SNED1: variants seen among roughly 807,000 people sequenced by gnomAD.
SNED1 encodes sushi, nidogen and EGF-like domain-containing protein 1.
SNED1 carries 81 observed loss-of-function variants against 166.7 expected under a neutral mutation model. The ratio of observed to expected loss-of-function variants is 0.49; its 90% CI spans 0.41 to 0.58. SNED1 has a LOEUF of 0.58. Ranked by LOEUF, SNED1 falls within the 20% of genes least tolerant of loss-of-function variation. The probability of loss-of-function intolerance (pLI) is 0.00; values close to 1 mark genes in which losing one functional copy is unlikely to be tolerated. For synonymous variants in SNED1, 762 were observed against 822.0 expected (o/e 0.93, Z 1.25); for missense variants, 1,604 against 2,000.2 (o/e 0.80, Z 3.78).
chr2:241,030,705 C>A (rs1455794756), intron 2 of SNED1, 134 bp downstream of exon 2: 2 of 960,330 alleles, frequency 2.1e-6, no homozygotes, highest in Non-Finnish European at 3.1e-6. Context: ...AACACGTGGT[C>A]AAAACCACAG....
rs1181915585 is a variant in SNED1 at position 241,071,689 on chromosome 2, A to T, written c.3703A>T (p.Ser1235Cys). The change falls in exon 25 of 32, where the codon AGC becomes TGC. Residue 1235 changes from serine to cysteine, a missense_variant. Ser to Cys is a moderately radical substitution (Grantham distance 112). Coordinates refer to ENST00000310397, the MANE Select transcript of SNED1 (RefSeq NM_001080437.3). The stretch of plus-strand genomic sequence containing the variant: ...GGAGCTGCGCCTGCTCAATGACCAC[A>T]GCGCCCCCGAGACCCCCACCCAGCC... ...LPELRLLNDHSAPETPTQPPR... is the reference protein window; with the variant it reads ...LPELRLLNDHCAPETPTQPPR... 1 of 1,529,806 alleles carries T rather than the reference A, an allele frequency of 6.5e-7. No individual in the cohort carries two copies. The highest frequency in any genetic ancestry group is 8.8e-7 in the Non-Finnish European group (1 of 1,140,424). 94.8% of individuals were successfully genotyped at this position (1,529,806 alleles called of 1,614,324 possible).
chr2:241,056,644 G>C, intron 16 of SNED1, among the ~76,000 whole-genome samples: 1 of 140,262 alleles, frequency 7.1e-6, no homozygotes, highest in Non-Finnish European at 1.5e-5. Flanking sequence ...GCAGTGGCAC[G>C]ATCTCGGCTC....
At chr2:241,017,335 T>C (rs943383766) in intron 1 of SNED1, among the ~76,000 whole-genome samples, 2 of 152,236 alleles carry the variant, frequency 1.3e-5, no homozygotes, top group Non-Finnish European at 2.9e-5. Context: ...TGTTGCTGTC[T>C]AAGTCCTGCC....
At position 241,067,848 on chromosome 2, in the gene SNED1, A is replaced by G; in HGVS notation, c.3095A>G (p.His1032Arg). Residue 1032 changes from histidine to arginine, a missense_variant, in exon 22 of 32, where the codon CAT (histidine) becomes CGT (arginine). His to Arg is a conservative substitution (Grantham distance 29, BLOSUM62 0). Around this residue, in one of 2 missense-constraint regions of SNED1, gnomAD observed 1,237 missense variants for 1,620.8 expected, o/e 0.76. Coordinates refer to ENST00000310397, the MANE Select transcript of SNED1 (RefSeq NM_001080437.3). The part of the protein sequence containing the change: ...SVQWALHRIR[H>R]ATVSGVRVSI... ...CAGTGGGCCCTGCACAGGATCCGCC[A>G]TGCCACCGTCAGTGGGGTCCGTGTG... 6.2e-7 allele frequency: 1 copy of G among 1,613,430 alleles called. No individual in the cohort carries two copies. Among genetic ancestry groups the G allele is most frequent in the Non-Finnish European group, 8.5e-7 (1 of 1,179,834 alleles).
chr2:241,037,382 G>A, intron 6 of SNED1, 29 bp downstream of exon 6: 1 of 1,463,696 alleles, frequency 6.8e-7, no homozygotes, highest in Non-Finnish European at 9.4e-7. Context: ...GGCCCACGGG[G>A]CCCTGCTGGG....
chr2:241,024,449 A>G (rs991863820), intron 1 of SNED1, among the ~76,000 whole-genome samples: 5 of 150,240 alleles, frequency 3.3e-5, no homozygotes, highest in South Asian at 4.2e-4. Flanking sequence ...GGGTTTCACT[A>G]TGTTGGCCAG....
chr2:241,095,097 G>A lies in SNED1; in HGVS notation c.*3461G>A, dbSNP rs577552461. On this transcript the variant is annotated 3_prime_UTR_variant, in exon 32 of 32. Transcript: ENST00000310397. The stretch of plus-strand genomic sequence containing the variant: ...CCCCACACCCACCTTGGGGGGTCAC[G>A]GATTGCTCCCTGTGGCCCTGGCTTC... 2.8e-5 allele frequency: 4 copies of A among 141,668 alleles called. No individual in the cohort carries two copies. The highest frequency in any genetic ancestry group is 7.3e-5 in the Admixed American group (1 of 13,736). The allele number at this position is 141,668 out of a possible 1,614,324, so 8.8% of individuals were successfully genotyped here.
chr2:241,061,782 G>A (rs2062238602), intron 16 of SNED1, among the ~76,000 whole-genome samples: 1 of 151,668 alleles, frequency 6.6e-6, no homozygotes, highest in Non-Finnish European at 1.5e-5. Flanking sequence ...CTACTCGGGA[G>A]GCGGAGGTTG....
chr2:241,061,488 C>A (rs897225411), intron 16 of SNED1, among the ~76,000 whole-genome samples: 4 of 152,178 alleles, frequency 2.6e-5, no homozygotes, highest in African/African-American at 9.7e-5. Context: ...TGCTCATTTA[C>A]GTCAACTGTG....
rs2060667249 is a variant in SNED1 at position 241,018,470 on chromosome 2, C to G, written c.214-11814C>G. 6.6e-6 allele frequency among the ~76,000 whole-genome samples: 1 copy of G among 152,186 alleles called. No homozygotes were observed. Among genetic ancestry groups the G allele is most frequent in the Non-Finnish European group, 1.5e-5 (1 of 68,030 alleles). On this transcript the variant is annotated intron_variant, in intron 1 of 31. Coordinates refer to ENST00000310397, the MANE Select transcript of SNED1 (RefSeq NM_001080437.3). This position sits in a 1 kb window ranked among gnomAD's most constrained non-coding sequence, Gnocchi z 5.4. ...AGGGGCAAAGAACATTCGTTGTTCA[C>G]TCAGCCCCCTGCACGTCCCGGGGTC...
In SNED1 at chr2:241,092,597, C is replaced by T. The variant is rs2064106818; in HGVS notation, c.*961C>T. On this transcript the variant is annotated 3_prime_UTR_variant, in exon 32 of 32. Coordinates refer to ENST00000310397, the MANE Select transcript of SNED1 (RefSeq NM_001080437.3). This position sits in a 1 kb window ranked among gnomAD's most constrained non-coding sequence, Gnocchi z 4.6. ...ATGGAAAAAGCTATTCAGACCCCTG[C>T]TTGGAAAGCTAAGGCACACTGCCAC... 6.6e-6 allele frequency: 1 copy of T among 152,210 alleles called. No homozygotes were observed. The highest frequency in any genetic ancestry group is 1.5e-5 in the Non-Finnish European group (1 of 68,038). The allele number at this position is 152,210 out of a possible 1,614,324, so 9.4% of individuals were successfully genotyped here. A position where few individuals can be genotyped will look rare whatever the true frequency, so the allele number is the denominator to read the frequency against.
intron 20 of SNED1, 54 bp downstream of exon 20, chr2:241,065,011 T>TAGGG: frequency 1.5e-6 from 2 of 1,346,180 alleles, no homozygotes; most frequent in Non-Finnish European, 2.0e-6. Context: ...CCCCTCTCCC[T>TAGGG]AGAGGGCCCA....
intron 31 of SNED1, 94 bp downstream of exon 31, chr2:241,088,496 C>A: frequency 9.8e-7 from 1 of 1,025,256 alleles, no homozygotes; most frequent in Non-Finnish European, 1.5e-6. Flanking sequence ...CCGCTGCCTG[C>A]TTACTCAGCA....
intron 16 of SNED1, among the ~76,000 whole-genome samples, chr2:241,053,982 A>G (rs2061961867): frequency 1.3e-5 from 2 of 152,254 alleles, no homozygotes; most frequent in Admixed American, 1.3e-4. Flanking sequence ...GCTTAGGAAC[A>G]GTGGGTGACA....
At chr2:241,070,347 T>C in intron 24 of SNED1, 146 bp downstream of exon 24, 14 of 901,530 alleles carry the variant, frequency 1.6e-5, no homozygotes, top group Non-Finnish European at 2.0e-5. Flanking sequence ...GGAGTCTGTG[T>C]ATGAAAGTGG....
intron 4 of SNED1, among the ~76,000 whole-genome samples, chr2:241,036,039 G>GGGGTGGAGGTGCGTCACGGGGTGGGGGT (rs1280415977): frequency 4.4e-5 from 1 of 22,952 alleles, no homozygotes; most frequent in Non-Finnish European, 6.7e-5. Flanking sequence ...CACGGGGTGG[G>GGGGTGGAGGTGCGTCACGGGGTGGGGGT]TGGGGGGTGG....
At chr2:241,026,439 T>A (rs2060972834) in intron 1 of SNED1, among the ~76,000 whole-genome samples, 1 of 152,218 alleles carries the variant, frequency 6.6e-6, no homozygotes, top group Non-Finnish European at 1.5e-5. Context: ...TGCTCCAAGT[T>A]GTGCATTTGT....
At position 241,030,567 on chromosome 2, in the gene SNED1, C is replaced by G. The variant is rs1228297139; in HGVS notation, c.497C>G (p.Ser166Cys). Residue 166 changes from serine to cysteine, a missense_variant, in exon 2 of 32, where the codon TCC becomes TGC. Around this residue, in one of 2 missense-constraint regions of SNED1, gnomAD observed 1,237 missense variants for 1,620.8 expected, o/e 0.76. Coordinates refer to ENST00000310397, the MANE Select transcript of SNED1 (RefSeq NM_001080437.3). ...ACCTTCTTTGGAGGCAGTTCCTCAT[C>G]CCCTGTGAGTCCAGGCACTTGTCCT... ...RVTFFGGSSS[S>C]PVNTFQTVLI... The G allele has an allele frequency of 6.2e-7, 1 of 1,613,430 alleles. No homozygotes were observed. Among genetic ancestry groups the G allele is most frequent in the African/African-American group, 1.3e-5 (1 of 74,932 alleles).
intron 4 of SNED1, among the ~76,000 whole-genome samples, chr2:241,036,446 C>T (rs1463050058): frequency 6.6e-6 from 1 of 152,126 alleles, no homozygotes; most frequent in Non-Finnish European, 1.5e-5. Flanking sequence ...TTTTCCACGC[C>T]AGGAACCCTG....
Sources: allele counts gnomAD v4.1 joint callset (sites outside exome capture counted in the v4.1 genomes callset), GRCh38; gene constraint gnomAD v4.1.1; regional missense constraint gnomAD v4.1.1; non-coding constraint Gnocchi (gnomAD v3.1); transcripts MANE v1.5; gene names NCBI Gene and HGNC (gene_info 2026-07-23, HGNC 2026-07-21).